MACF1: variants seen among roughly 807,000 people sequenced by gnomAD.
MACF1 encodes the protein microtubule actin crosslinking factor 1.
Under a neutral mutation model 854.8 loss-of-function variants are expected in MACF1, and 193 were observed. That is an observed-to-expected ratio of 0.23 (90% CI 0.20 to 0.25). The LOEUF (loss-of-function observed/expected upper bound fraction) is 0.25. Ranked by LOEUF, MACF1 falls within the 10% of genes least tolerant of loss-of-function variation. MACF1 has a pLI of 1.00. For synonymous variants in MACF1, 3,185 were observed against 3,226.7 expected (o/e 0.99, Z 0.44); for missense variants, 7,722 against 8,929.1 (o/e 0.86, Z 5.45).
rs372724873 is a variant in MACF1 at position 39,357,458 on chromosome 1, C to T, written c.11508C>T (p.Gly3836=). 6.2e-7 allele frequency: 1 copy of T among 1,613,984 alleles called. No homozygotes were observed. The highest frequency in any genetic ancestry group is 8.5e-7 in the Non-Finnish European group (1 of 1,180,036). The change falls in exon 45 of 101, where the codon GGC becomes GGT. Residue 3836 remains glycine, a synonymous_variant. Coordinates refer to ENST00000564288, the MANE Select transcript of MACF1 (RefSeq NM_001394062.1). ...QSAQAFLDQH[G]HNLTPEEQQM... The stretch of plus-strand genomic sequence containing the variant: ...CTCAGGCCTTCTTGGATCAGCATGG[C>T]CACAATCTCACACCTGAGGAGCAAC...
At chr1:39,257,007 G>T (rs140131813) in intron 5 of MACF1, among the ~76,000 whole-genome samples, 15 of 152,092 alleles carry the variant, frequency 9.9e-5, no homozygotes, top group African/African-American at 3.6e-4. Flanking sequence ...GCAAAATGGC[G>T]TAGCTACTCT....
rs534353693 is a variant in MACF1, at chr1:39,126,141, A to T, written c.220+41703A>T. Among the ~76,000 whole-genome samples, 6 of 152,322 alleles carry T rather than the reference A, an allele frequency of 3.9e-5. No individual in the cohort carries two copies. In the South Asian group the frequency reaches 1.2e-3, roughly 32 times the overall value. On this transcript the variant is annotated intron_variant, in intron 2 of 93. Coordinates refer to the MACF1 transcript ENST00000361689. ...ACAAACTGGGTGGCTTAAACAACAGATATTTATTGTCTTACAGTTCTGGAG... is the reference window on the plus strand; with the variant it reads ...ACAAACTGGGTGGCTTAAACAACAGTTATTTATTGTCTTACAGTTCTGGAG...
Position 39,334,534 on chromosome 1 carries a change from T to C in MACF1, c.7946T>C (p.Val2649Ala). Residue 2649 changes from valine (V) to alanine (A), a missense_variant, in exon 37 of 101, where the codon GTA becomes GCA. By Grantham distance (64) the Val-to-Ala change is moderately conservative. Coordinates refer to ENST00000564288, the MANE Select transcript of MACF1 (RefSeq NM_001394062.1). ...DIESGQRYLE[V>A]IPFSDIKDGV... ...GAATCTGGACAGAGATATCTAGAAGTAATTCCCTTCTCAGACATTAAAGAT... is the reference window on the plus strand; with the variant it reads ...GAATCTGGACAGAGATATCTAGAAGCAATTCCCTTCTCAGACATTAAAGAT... 6.2e-7 allele frequency: 1 copy of C among 1,613,744 alleles called. No homozygotes were observed.
At chr1:39,119,501 G>C (rs151232888) in intron 2 of MACF1, among the ~76,000 whole-genome samples, 1 of 152,232 alleles carries the variant, frequency 6.6e-6, no homozygotes, top group Non-Finnish European at 1.5e-5. Flanking sequence ...TGAAGGTCTA[G>C]ATTGTGTCTG....
intron 58 of MACF1, among the ~76,000 whole-genome samples, chr1:39,419,997 T>C (rs1643475024): frequency 6.6e-6 from 1 of 152,226 alleles, no homozygotes; most frequent in Non-Finnish European, 1.5e-5. Context: ...TTTAAAGTGC[T>C]GTCCAGTAGG....
chr1:39,186,191 T>A (rs1644166878), intron 2 of MACF1, among the ~76,000 whole-genome samples: 1 of 126,686 alleles, frequency 7.9e-6, no homozygotes, highest in South Asian at 2.5e-4. Flanking sequence ...TCTCTCTCTC[T>A]CTCTCTCTCT....
At chr1:39,474,596 A>G (rs1191371931) in intron 97 of MACF1, among the ~76,000 whole-genome samples, 1 of 152,194 alleles carries the variant, frequency 6.6e-6, no homozygotes, top group Non-Finnish European at 1.5e-5. Flanking sequence ...CGAGAGACTG[A>G]GGCAGCAGAA....
rs147159706 is a variant in MACF1, at chr1:39,332,058, A to G, written c.5470A>G (p.Ile1824Val). 3 of 1,614,014 alleles carry G rather than the reference A, an allele frequency of 1.9e-6. No individual in the cohort carries two copies. The highest frequency in any genetic ancestry group is 2.7e-5 in the African/African-American group (2 of 74,914). ...IDTVTGQRLT[I>V]DEAVSNDLVA... ...CACTGTCACGGGGCAAAGGCTAACA[A>G]TAGATGAAGCAGTGAGCAATGATCT... Residue 1824 changes from isoleucine (I) to valine (V), a missense_variant, in exon 37 of 101, where the codon ATA becomes GTA. Physicochemically the swap from Ile to Val is conservative, Grantham distance 29. Around this residue, in one of 15 missense-constraint regions of MACF1, gnomAD observed 1,531 missense variants for 1,601.6 expected, o/e 0.96. Transcript: ENST00000564288.
chr1:39,242,486 A>G (rs1022380691), intron 2 of MACF1, among the ~76,000 whole-genome samples: 4 of 151,554 alleles, frequency 2.6e-5, no homozygotes, highest in Non-Finnish European at 5.9e-5. Flanking sequence ...GGTGTGATGG[A>G]TCAAGCCTGT....
At chr1:39,183,186 G>T (rs1347086929) in intron 2 of MACF1, among the ~76,000 whole-genome samples, 1 of 152,180 alleles carries the variant, frequency 6.6e-6, no homozygotes, top group East Asian at 1.9e-4. Context: ...GGTTGCTAGG[G>T]GTTGAGGAGG....
chr1:39,412,654 A>T lies in MACF1; in HGVS notation c.15817-9720A>T. ...TGTGGCATCATCAGAGGGAGGGGAG[A>T]TGGAAAGGAGAGATTCAGATTCATT... On this transcript the variant is annotated intron_variant, in intron 58 of 100. Coordinates refer to ENST00000564288, the MANE Select transcript of MACF1 (RefSeq NM_001394062.1). The T allele has an allele frequency of 2.5e-6, 4 of 1,614,008 alleles. No homozygotes were observed. The South Asian group carries it at 4.4e-5, about 18-fold the overall frequency.
intron 2 of MACF1, among the ~76,000 whole-genome samples, chr1:39,137,296 C>T (rs1309863140): frequency 6.6e-6 from 1 of 152,238 alleles, no homozygotes; most frequent in Non-Finnish European, 1.5e-5. Flanking sequence ...TCTCGAACTT[C>T]TGGCCTCAAG....
chr1:39,178,122 T>A (rs1311570679), intron 2 of MACF1, among the ~76,000 whole-genome samples: 1 of 151,740 alleles, frequency 6.6e-6, no homozygotes, highest in Admixed American at 6.6e-5. Flanking sequence ...GTGTCCTCAG[T>A]AAGCCCATAA....
chr1:39,158,696 C>T (rs555491731), intron 2 of MACF1, among the ~76,000 whole-genome samples: 8 of 152,236 alleles, frequency 5.3e-5, no homozygotes, highest in Non-Finnish European at 8.8e-5. Context: ...CAGGCAGGGG[C>T]GGTTGTGGTC....
intron 2 of MACF1, among the ~76,000 whole-genome samples, chr1:39,244,119 G>T (rs746793883): frequency 6.6e-6 from 1 of 150,556 alleles, no homozygotes; most frequent in African/African-American, 2.4e-5. Context: ...AATTTTTTTT[G>T]GGGGGGACAG....
At chr1:39,365,241 A>G (rs1245354666) in intron 49 of MACF1, among the ~76,000 whole-genome samples, 1 of 151,736 alleles carries the variant, frequency 6.6e-6, no homozygotes, top group East Asian at 1.9e-4. Flanking sequence ...ACGTCCAGCT[A>G]ATTTTTTTGT....
chr1:39,376,448 C>G (rs994926937), intron 52 of MACF1, among the ~76,000 whole-genome samples: 3 of 152,158 alleles, frequency 2.0e-5, no homozygotes, highest in Admixed American at 6.5e-5. Flanking sequence ...CGCTCATGAT[C>G]TCTTCCCAGT....
intron 25 of MACF1, 99 bp downstream of exon 25, chr1:39,310,527 C>CT: frequency 1.5e-6 from 2 of 1,294,988 alleles, no homozygotes; most frequent in Non-Finnish European, 2.1e-6. Context: ...AACATCACCA[C>CT]TTTTTTCCAT....
chr1:39,137,067 T>A (rs953142086), intron 2 of MACF1, among the ~76,000 whole-genome samples: 1 of 152,196 alleles, frequency 6.6e-6, no homozygotes, highest in Non-Finnish European at 1.5e-5. Flanking sequence ...TTTTTTAATT[T>A]AATTTAATTT....
Sources: gnomAD v4.1 joint callset for allele counts (sites outside exome capture counted in the v4.1 genomes callset) on GRCh38, gnomAD v4.1.1 for gene constraint, gnomAD v4.1.1 regional missense constraint, MANE v1.5 for transcripts, NCBI Gene and HGNC (gene_info 2026-07-23, HGNC 2026-07-21) for gene names.